The following OSGIN2 variants were observed in gnomAD, a reference collection of about 807,000 sequenced individuals.
The protein encoded by OSGIN2 is oxidative stress induced growth inhibitor family member 2.
Under a neutral mutation model 53.8 loss-of-function variants are expected in OSGIN2, and 19 were observed. The observed-to-expected ratio is 0.35, with a 90% CI of 0.25 to 0.52. The LOEUF (loss-of-function observed/expected upper bound fraction) is 0.52, where lower values mean the gene tolerates loss of function less well. Ranked by LOEUF, OSGIN2 falls within the 20% of genes least tolerant of loss-of-function variation. OSGIN2 has a pLI of 0.95. For synonymous variants in OSGIN2, 236 were observed against 236.0 expected (o/e 1.00, Z 0.00); for missense variants, 520 against 662.7 (o/e 0.78, Z 2.36).
intron 4 of OSGIN2, 49 bp from the exon 5 acceptor site, chr8:89,921,031 G>C: frequency 8.9e-7 from 1 of 1,117,796 alleles, no homozygotes; most frequent in Non-Finnish European, 1.3e-6. Flanking sequence ...AAAAAACCAT[G>C]TTACTTCTTG....
chr8:89,907,970 C>T lies in OSGIN2; in HGVS notation c.45-1597C>T, dbSNP rs369423990. 5.3e-5 allele frequency among the ~76,000 whole-genome samples: 8 copies of T among 152,262 alleles called. No homozygotes were observed. In the East Asian group the frequency reaches 7.7e-4, roughly 15 times the overall value. ...GAGCAGTGGTTTGTGTGTGTCATCT[C>T]TGATTTCTTTGAGCAGTGGTTTGGA... On this transcript the variant is annotated intron_variant, in intron 1 of 5. Transcript: ENST00000451899.
intron 5 of OSGIN2, chr8:89,921,436 A>T: frequency 6.3e-6 from 2 of 316,614 alleles, no homozygotes; most frequent in Non-Finnish European, 1.2e-5. Flanking sequence ...TTGTTACATC[A>T]CTCTCTGTTT....
At chr8:89,920,133 G>T (rs1200612297) in intron 4 of OSGIN2, among the ~76,000 whole-genome samples, 1 of 152,132 alleles carries the variant, frequency 6.6e-6, no homozygotes, top group East Asian at 1.9e-4. Flanking sequence ...ATTCTTAACA[G>T]CTCCTTTTAT....
In OSGIN2 at chr8:89,927,634, A is replaced by ATAAT. The variant is rs1563483897; in HGVS notation, c.*2105_*2108dup. 1 of 152,238 alleles carries ATAAT rather than the reference A, an allele frequency of 6.6e-6. No individual in the cohort carries two copies. The highest frequency in any genetic ancestry group is 1.5e-5 in the Non-Finnish European group (1 of 68,042). 9.4% of individuals were successfully genotyped at this position (152,238 alleles called of 1,614,324 possible). On this transcript the variant is annotated 3_prime_UTR_variant, in exon 6 of 6. Transcript: ENST00000451899. ...TGGCTTGGTGTCTGGCAAACAGTCC[A>ATAAT]TAATTAGCAGATGTTGAAAGACCGT...
rs141251538 is a variant in OSGIN2 at position 89,914,149 on chromosome 8, T to C, written c.272T>C (p.Ile91Thr). Residue 91 changes from isoleucine to threonine, a missense_variant, in exon 3 of 6, where the codon ATA becomes ACA. Physicochemically the swap from Ile to Thr is moderately conservative, Grantham distance 89. This residue lies in a region of OSGIN2 where 203 missense variants were observed against 275.3 expected (regional missense o/e 0.74). Coordinates refer to ENST00000451899, the MANE Select transcript of OSGIN2 (RefSeq NM_001126111.3). Reference sequence around the variant, plus strand: ...AGACCGTATTTATCATCAGAAGCAATACACCCAAATACAATCTTAAATAGT... The same window carrying C: ...AGACCGTATTTATCATCAGAAGCAACACACCCAAATACAATCTTAAATAGT... The part of the protein sequence containing the change: ...GYRPYLSSEA[I>T]HPNTILNSKL... 6.3e-7 allele frequency: 1 copy of C among 1,598,406 alleles called. No homozygotes were observed. Among genetic ancestry groups the C allele is most frequent in the Non-Finnish European group, 8.6e-7 (1 of 1,166,250 alleles).
chr8:89,910,170 T>C (rs2130695259), intron 2 of OSGIN2, among the ~76,000 whole-genome samples: 1 of 152,312 alleles, frequency 6.6e-6, no homozygotes, highest in South Asian at 2.1e-4. Flanking sequence ...AATGACATTA[T>C]AGTACTCTAA....
At chr8:89,909,505 T>C in intron 1 of OSGIN2, 62 bp from the exon 2 acceptor site, 1 of 861,054 alleles carries the variant, frequency 1.2e-6, no homozygotes, top group Non-Finnish European at 1.6e-6. Context: ...GAGTAGAGAT[T>C]GATTTTTATA....
chr8:89,905,641 T>C (rs1321754522), intron 1 of OSGIN2, among the ~76,000 whole-genome samples: 1 of 152,224 alleles, frequency 6.6e-6, no homozygotes. Context: ...CACTATCAAA[T>C]AGGAGGCAGG....
intron 1 of OSGIN2, among the ~76,000 whole-genome samples, chr8:89,905,884 G>A (rs1808829048): frequency 6.6e-6 from 1 of 152,078 alleles, no homozygotes; most frequent in African/African-American, 2.4e-5. Flanking sequence ...TTGTATTTCT[G>A]TACATTAACA....
intron 1 of OSGIN2, among the ~76,000 whole-genome samples, 189 bp downstream of exon 1, chr8:89,903,026 G>C (rs556195945): frequency 1.3e-5 from 2 of 152,170 alleles, no homozygotes; most frequent in African/African-American, 4.8e-5. Flanking sequence ...GCTCCGGGGA[G>C]CCCTGCGCTG....
intron 5 of OSGIN2, among the ~76,000 whole-genome samples, chr8:89,922,349 A>G (rs1274040439): frequency 1.3e-5 from 2 of 152,216 alleles, no homozygotes; most frequent in African/African-American, 2.4e-5. Flanking sequence ...TTTAAAAAGA[A>G]TTATATATGG....
At position 89,909,562 on chromosome 8, in the gene OSGIN2, T is replaced by A. The variant is rs763011150; in HGVS notation, c.45-5T>A. The A allele has an allele frequency of 4.4e-5, 63 of 1,417,198 alleles. No individual in the cohort carries two copies. The highest frequency in any genetic ancestry group is 2.9e-4 in the African/African-American group (20 of 68,848). 87.8% of individuals were successfully genotyped at this position (1,417,198 alleles called of 1,614,324 possible). A position where few individuals can be genotyped will look rare whatever the true frequency, so the allele number is the denominator to read the frequency against. ...CTTTTTATTCCCCCTTTTTTTTTTT[T>A]AAAGAAACTATAGTGACACTGAAAC... On this transcript the variant is annotated splice_region_variant and splice_polypyrimidine_tract_variant and intron_variant, in intron 1 of 5. Coordinates refer to ENST00000451899, the MANE Select transcript of OSGIN2 (RefSeq NM_001126111.3).
intron 4 of OSGIN2, among the ~76,000 whole-genome samples, chr8:89,919,905 G>A (rs1198396844): frequency 6.6e-6 from 1 of 152,066 alleles, no homozygotes; most frequent in Non-Finnish European, 1.5e-5. Flanking sequence ...AGTGTCCATG[G>A]CAGCTTGTAT....
At position 89,902,596 on chromosome 8, in the gene OSGIN2, A is replaced by G. The variant is rs890227857; in HGVS notation, c.-198A>G. On this transcript the variant is annotated 5_prime_UTR_variant, in exon 1 of 6. Coordinates refer to ENST00000451899, the MANE Select transcript of OSGIN2 (RefSeq NM_001126111.3). ...TCCGGCGCCTGGCTCCCTGCAGGCGAGGAGCGGAAGCCGCTATCTGGAGGC... is the reference window on the plus strand; with the variant it reads ...TCCGGCGCCTGGCTCCCTGCAGGCGGGGAGCGGAAGCCGCTATCTGGAGGC... 1.3e-5 allele frequency: 2 copies of G among 154,048 alleles called. No homozygotes were observed. The highest frequency in any genetic ancestry group is 2.9e-5 in the Non-Finnish European group (2 of 69,860). 9.5% of individuals were successfully genotyped at this position (154,048 alleles called of 1,614,324 possible).
intron 1 of OSGIN2, among the ~76,000 whole-genome samples, chr8:89,907,723 A>T (rs1808870363): frequency 6.6e-6 from 1 of 152,176 alleles, no homozygotes; most frequent in Admixed American, 6.5e-5. Context: ...TTCACTTAGG[A>T]TTGCCTTGGC....
rs1463313241 is a variant in OSGIN2 at position 89,927,720 on chromosome 8, C to T, written c.*2188C>T. ...ATACAACAAAAAGATTTAATTACAG[C>T]TTCCAGTGTTTTGACTATGTGAACC... On this transcript the variant is annotated 3_prime_UTR_variant, in exon 6 of 6. Transcript: ENST00000451899. The T allele has an allele frequency of 6.6e-6, 1 of 152,190 alleles. No homozygotes were observed. The highest frequency in any genetic ancestry group is 1.5e-5 in the Non-Finnish European group (1 of 68,026). 9.4% of individuals were successfully genotyped at this position (152,190 alleles called of 1,614,324 possible). A position where few individuals can be genotyped will look rare whatever the true frequency, so the allele number is the denominator to read the frequency against.
chr8:89,926,360 A>C lies in OSGIN2; in HGVS notation c.*828A>C, dbSNP rs1485235422. The C allele has an allele frequency of 2.6e-5, 4 of 152,624 alleles. No homozygotes were observed. The highest frequency in any genetic ancestry group is 9.7e-5 in the African/African-American group (4 of 41,450). 9.5% of individuals were successfully genotyped at this position (152,624 alleles called of 1,614,324 possible). On this transcript the variant is annotated 3_prime_UTR_variant, in exon 6 of 6. Coordinates refer to ENST00000451899, the MANE Select transcript of OSGIN2 (RefSeq NM_001126111.3). ...ATTTAACTATCATAGCATTTAATGA[A>C]TCTGATTTGTAGTTCAATAAATTGT... is the stretch of plus-strand genomic sequence containing the variant.
At position 89,926,333 on chromosome 8, in the gene OSGIN2, C is replaced by T. The variant is rs1278061757; in HGVS notation, c.*801C>T. On this transcript the variant is annotated 3_prime_UTR_variant, in exon 6 of 6. Coordinates refer to ENST00000451899, the MANE Select transcript of OSGIN2 (RefSeq NM_001126111.3). ...AAGATGTTTTTCAGAGATTTATTCT[C>T]GATTTAACTATCATAGCATTTAATG... 1.3e-5 allele frequency: 2 copies of T among 152,488 alleles called. No homozygotes were observed. Among genetic ancestry groups the T allele is most frequent in the Admixed American group, 6.5e-5 (1 of 15,268 alleles). 9.4% of individuals were successfully genotyped at this position (152,488 alleles called of 1,614,324 possible). A position where few individuals can be genotyped will look rare whatever the true frequency, so the allele number is the denominator to read the frequency against.
chr8:89,919,351 T>C (rs2130708418), intron 4 of OSGIN2, among the ~76,000 whole-genome samples: 1 of 152,332 alleles, frequency 6.6e-6, no homozygotes, highest in South Asian at 2.1e-4. Flanking sequence ...TGTAAGCTTC[T>C]AGATATCCAC....
Sources: gnomAD v4.1 joint callset for allele counts (sites outside exome capture counted in the v4.1 genomes callset) on GRCh38, gnomAD v4.1.1 for gene constraint, gnomAD v4.1.1 regional missense constraint, MANE v1.5 for transcripts, NCBI Gene and HGNC (gene_info 2026-07-23, HGNC 2026-07-21) for gene names.